The following MTHFD1L variants were observed in gnomAD, a reference collection of about 807,000 sequenced individuals.
MTHFD1L encodes the protein monofunctional C1-tetrahydrofolate synthase, mitochondrial.
In MTHFD1L, 81 loss-of-function variants were observed where a neutral mutation model predicts 119.5. The ratio of observed to expected loss-of-function variants is 0.68; its 90% CI spans 0.57 to 0.82. MTHFD1L has a LOEUF of 0.82. Among genes scored for constraint, MTHFD1L ranks in the 40% least tolerant of loss-of-function variants. The pLI, the probability that MTHFD1L is intolerant of heterozygous loss-of-function variation, is 0.00. For synonymous variants in MTHFD1L, 430 were observed against 475.2 expected, an observed-to-expected ratio of 0.90 and a Z score of 1.24; for missense variants, 1,125 against 1,253.4, an observed-to-expected ratio of 0.90 and a Z score of 1.55.
intron 17 of MTHFD1L, among the ~76,000 whole-genome samples, chr6:150,956,853 G>T (rs1366718229): frequency 6.8e-6 from 1 of 147,650 alleles, no homozygotes. Context: ...AGTGAATGTA[G>T]GTATTGGATT....
Position 150,954,984 on chromosome 6 carries a change from C to T in MTHFD1L, c.1727-1011C>T, listed in dbSNP as rs1048946871. Among the ~76,000 whole-genome samples, 64 of 150,462 alleles carry T rather than the reference C, an allele frequency of 4.3e-4. 1 individual carries two copies. Among genetic ancestry groups the T allele is most frequent in the African/African-American group, 1.5e-3 (62 of 41,092 alleles). On this transcript the variant is annotated intron_variant, in intron 16 of 27. Coordinates refer to ENST00000367321, the MANE Select transcript of MTHFD1L (RefSeq NM_015440.5). ...CTCTATTCACCATTCACCCCCGCCA[C>T]CCCCCACAATTCTACTTTATTTACT...
At chr6:151,012,036 A>C (rs1199674324) in intron 21 of MTHFD1L, among the ~76,000 whole-genome samples, 169 of 149,162 alleles carry the variant, frequency 1.1e-3, no homozygotes, top group African/African-American at 3.8e-3. Context: ...AAAAAAAAAA[A>C]AAAAAAAAAA....
intron 1 of MTHFD1L, among the ~76,000 whole-genome samples, chr6:150,874,735 GA>G (rs2128736371): frequency 6.6e-6 from 1 of 152,204 alleles, no homozygotes; most frequent in East Asian, 1.9e-4. Context: ...ACTCATCCCA[GA>G]AGGTTCCATA....
chr6:150,916,737 CTTTTTTT>C (rs57961829), intron 8 of MTHFD1L, among the ~76,000 whole-genome samples: 4 of 72,118 alleles, frequency 5.5e-5, no homozygotes, highest in Admixed American at 2.2e-4. Flanking sequence ...GATTCTATCC[CTTTTTTT>C]TTTTTTTTTT....
chr6:150,939,472 G>GTT (rs1327714561), intron 13 of MTHFD1L: 3 of 152,150 alleles, frequency 2.0e-5, no homozygotes, highest in African/African-American at 4.8e-5. Flanking sequence ...GCTCTTTTCA[G>GTT]TTTCACTCTC....
intron 26 of MTHFD1L, among the ~76,000 whole-genome samples, chr6:151,066,010 G>C (rs984270639): frequency 7.0e-6 from 1 of 142,818 alleles, no homozygotes; most frequent in African/African-American, 2.9e-5. Flanking sequence ...ATTTATAGTA[G>C]CTCCTCATTA....
chr6:150,957,316 T>C (rs974778351), intron 17 of MTHFD1L, among the ~76,000 whole-genome samples: 1 of 152,090 alleles, frequency 6.6e-6, no homozygotes, highest in Non-Finnish European at 1.5e-5. Context: ...AAACTGCAAA[T>C]TGAAACAATG....
rs766589619 is a variant in MTHFD1L at position 150,938,471 on chromosome 6, CT to C, written c.1394-218del. Among the ~76,000 whole-genome samples the C allele has an allele frequency of 3.9e-3, 587 of 148,844 alleles. 2 individuals are homozygous for C. Among genetic ancestry groups the C allele is most frequent in the Non-Finnish European group, 6.0e-3 (404 of 66,938 alleles). On this transcript the variant is annotated intron_variant, in intron 12 of 27. Coordinates refer to ENST00000367321, the MANE Select transcript of MTHFD1L (RefSeq NM_015440.5). ...GTAATGACATCTGCTCTATTTTTAC[CT>C]TTTTTTTTTAAGCAAAGAAACAGAG... is the stretch of plus-strand genomic sequence containing the variant.
chr6:151,030,116 C>G (rs1310471529), intron 24 of MTHFD1L, among the ~76,000 whole-genome samples: 1 of 152,208 alleles, frequency 6.6e-6, no homozygotes, highest in African/African-American at 2.4e-5. Flanking sequence ...GCGTTTTACA[C>G]TGACTCAACG....
chr6:150,896,589 T>A (rs1260664090), intron 7 of MTHFD1L, among the ~76,000 whole-genome samples: 1 of 152,170 alleles, frequency 6.6e-6, no homozygotes, highest in East Asian at 1.9e-4. Context: ...CTGAATAGTG[T>A]TGGCCCCTGA....
intron 24 of MTHFD1L, among the ~76,000 whole-genome samples, chr6:151,022,681 C>G (rs1267352444): frequency 1.3e-5 from 2 of 152,204 alleles, no homozygotes; most frequent in Non-Finnish European, 2.9e-5. Flanking sequence ...CCGGCTCTCC[C>G]TCCCATCTTC....
chr6:150,972,486 C>A (rs1307194122), intron 20 of MTHFD1L, among the ~76,000 whole-genome samples: 1 of 152,138 alleles, frequency 6.6e-6, no homozygotes, highest in Non-Finnish European at 1.5e-5. Flanking sequence ...AGCTAGGGAT[C>A]CAGTGGTAAG....
chr6:151,082,242 G>A (rs1214623263), intron 26 of MTHFD1L, among the ~76,000 whole-genome samples: 3 of 152,174 alleles, frequency 2.0e-5, no homozygotes, highest in African/African-American at 4.8e-5. Context: ...TTGTGCTTCA[G>A]CTCTTCCCAG....
chr6:150,893,833 G>A (rs953646850), intron 7 of MTHFD1L, among the ~76,000 whole-genome samples: 1 of 152,316 alleles, frequency 6.6e-6, no homozygotes, highest in Middle Eastern at 3.4e-3. Flanking sequence ...CATAGGCTTT[G>A]GGGACACACA....
Position 151,051,107 on chromosome 6 carries a change from C to T in MTHFD1L, c.2847+13990C>T, listed in dbSNP as rs187563382. On this transcript the variant is annotated intron_variant, in intron 26 of 27. Coordinates refer to ENST00000367321, the MANE Select transcript of MTHFD1L (RefSeq NM_015440.5). ...TTCCATCCTGAGGCTAGCTGGAGGC[C>T]CACCCCGTCACTCCATTACCTTAAG... Among the ~76,000 whole-genome samples the T allele has an allele frequency of 2.3e-3, 350 of 152,168 alleles. 1 individual carries two copies. The highest frequency in any genetic ancestry group is 7.4e-3 in the African/African-American group (307 of 41,510).
intron 25 of MTHFD1L, among the ~76,000 whole-genome samples, chr6:151,035,602 G>A (rs1442122160): frequency 3.9e-5 from 6 of 152,100 alleles, no homozygotes; most frequent in Admixed American, 3.9e-4. Flanking sequence ...CACAGGCATT[G>A]TGGTGAAATT....
At chr6:150,872,923 A>C (rs1312940095) in intron 1 of MTHFD1L, among the ~76,000 whole-genome samples, 1 of 151,762 alleles carries the variant, frequency 6.6e-6, no homozygotes, top group African/African-American at 2.4e-5. Flanking sequence ...CAGCCTCCCA[A>C]AGTGCTGGGA....
chr6:150,950,479 C>T lies in MTHFD1L; in HGVS notation c.1726+1346C>T, dbSNP rs1053908280. Among the ~76,000 whole-genome samples, 8 of 152,170 alleles carry T rather than the reference C, an allele frequency of 5.3e-5. No homozygotes were observed. In the East Asian group the frequency reaches 1.3e-3, roughly 26 times the overall value. The stretch of plus-strand genomic sequence containing the variant: ...GACCAGAGACTGAGCGTTGGCTCTG[C>T]GGTTTATGGGCTGCACAACTTTGGA... On this transcript the variant is annotated intron_variant, in intron 16 of 27. Coordinates refer to ENST00000367321, the MANE Select transcript of MTHFD1L (RefSeq NM_015440.5).
intron 25 of MTHFD1L, among the ~76,000 whole-genome samples, chr6:151,035,965 G>A (rs943132825): frequency 2.6e-5 from 4 of 152,102 alleles, no homozygotes; most frequent in Admixed American, 6.6e-5. Flanking sequence ...ATTCTTATCG[G>A]TATAGAAGAG....
Sources: gnomAD v4.1 joint callset for allele counts (sites outside exome capture counted in the v4.1 genomes callset) on GRCh38, gnomAD v4.1.1 for gene constraint, MANE v1.5 for transcripts, NCBI Gene and HGNC (gene_info 2026-07-23, HGNC 2026-07-21) for gene names.